The following MTDH variants were observed in gnomAD, a reference collection of about 807,000 sequenced individuals.
MTDH encodes the protein protein LYRIC.
A neutral mutation model predicts 72.7 loss-of-function variants in MTDH; 34 were observed. That is an observed-to-expected ratio of 0.47 (90% CI 0.36 to 0.62). The LOEUF (loss-of-function observed/expected upper bound fraction) is 0.62, where lower values mean the gene tolerates loss of function less well. MTDH is among the 20% of genes least tolerant of loss of function. The pLI, the probability that MTDH is intolerant of heterozygous loss-of-function variation, is 0.00. For missense variants in MTDH, 677 were observed against 699.4 expected, an observed-to-expected ratio of 0.97 and a Z score of 0.36; for synonymous variants, 266 against 268.9, an observed-to-expected ratio of 0.99 and a Z score of 0.10.
At chr8:97,676,741 T>C (rs2516279) in intron 2 of MTDH, among the ~76,000 whole-genome samples, 63,227 of 151,310 alleles carry the variant, frequency 0.42, 14,283 homozygotes, top group East Asian at 0.63. Flanking sequence ...TGGTGGCTCA[T>C]GCCTGTAATC....
chr8:97,687,681 T>G (rs1813421988), intron 4 of MTDH, 76 bp downstream of exon 4: 1 of 1,274,932 alleles, frequency 7.8e-7, no homozygotes, highest in Non-Finnish European at 1.1e-6. Context: ...TATCATTATG[T>G]CAAAATCTGA....
chr8:97,706,892 A>G, intron 8 of MTDH, 142 bp downstream of exon 8: 1 of 865,194 alleles, frequency 1.2e-6, no homozygotes, highest in Non-Finnish European at 1.7e-6. Context: ...CAGCCTGGGC[A>G]ACATAGCGAG....
intron 8 of MTDH, among the ~76,000 whole-genome samples, chr8:97,707,448 CCTT>C: frequency 7.4e-6 from 1 of 134,858 alleles, no homozygotes; most frequent in Non-Finnish European, 1.5e-5. Context: ...CCATGCCTGG[CCTT>C]TTTTTTTTTT....
At chr8:97,704,281 C>T (rs1409374987) in intron 7 of MTDH, among the ~76,000 whole-genome samples, 10 of 152,214 alleles carry the variant, frequency 6.6e-5, no homozygotes, top group Non-Finnish European at 1.5e-5. Flanking sequence ...ACAAGCTGCA[C>T]GTGCAGAAGG....
At chr8:97,708,551 G>T (rs112377722) in intron 8 of MTDH, among the ~76,000 whole-genome samples, 17,938 of 117,268 alleles carry the variant, frequency 0.15, 1,621 homozygotes, top group East Asian at 0.31. Context: ...CAAAGTGCTG[G>T]GATTACAGGC....
rs754373924 is a variant in MTDH at position 97,644,791 on chromosome 8, G to A, written c.285G>A (p.Val95=). The change falls in exon 1 of 12, where the codon GTG becomes GTA. Residue 95 remains valine (V), a synonymous_variant. Transcript: ENST00000336273. Reference sequence around the variant, plus strand: ...GCAAGCGGGAGGAGGCGGCGGCCGTGCCGGCCGCGGCCCCCGACGACCTGG... The same window carrying A: ...GCAAGCGGGAGGAGGCGGCGGCCGTACCGGCCGCGGCCCCCGACGACCTGG... ...PPRKREEAAA[V]PAAAPDDLAL... 1.9e-6 allele frequency: 3 copies of A among 1,548,918 alleles called. No individual in the cohort carries two copies. Among genetic ancestry groups the A allele is most frequent in the East Asian group, 2.5e-5 (1 of 40,194 alleles).
chr8:97,695,148 A>ATTTTTTTTTTTTTT, intron 6 of MTDH, among the ~76,000 whole-genome samples: 1 of 141,348 alleles, frequency 7.1e-6, no homozygotes. Flanking sequence ...TTGTTCTGTC[A>ATTTTTTTTTTTTTT]CCCAGGCTGG....
At chr8:97,646,475 T>TAA (rs1811567735) in intron 1 of MTDH, among the ~76,000 whole-genome samples, 1 of 152,160 alleles carries the variant, frequency 6.6e-6, no homozygotes, top group Non-Finnish European at 1.5e-5. Flanking sequence ...GGAAAGAAGG[T>TAA]GATCTTGAAA....
chr8:97,710,683 CAAAA>C (rs376391821), intron 8 of MTDH, among the ~76,000 whole-genome samples: 10,591 of 52,172 alleles, frequency 0.2, 402 homozygotes, highest in East Asian at 0.3. Flanking sequence ...GAGACTATCT[CAAAA>C]AAAAAAAAAA....
At chr8:97,683,208 G>A (rs1200219779) in intron 2 of MTDH, among the ~76,000 whole-genome samples, 1 of 150,458 alleles carries the variant, frequency 6.6e-6, no homozygotes, top group African/African-American at 2.4e-5. Context: ...GGGACTACAG[G>A]CACGTGCCAC....
chr8:97,674,498 CA>C (rs907051315), intron 2 of MTDH, among the ~76,000 whole-genome samples: 5 of 152,140 alleles, frequency 3.3e-5, no homozygotes, highest in South Asian at 4.1e-4. Context: ...CCCATTTAAC[CA>C]TGCCCAGTTT....
chr8:97,649,001 C>T (rs1811666210), intron 1 of MTDH, among the ~76,000 whole-genome samples: 1 of 152,064 alleles, frequency 6.6e-6, no homozygotes, highest in African/African-American at 2.4e-5. Context: ...TATAATGACC[C>T]CATAAGATTA....
In MTDH at chr8:97,729,461, G is replaced by C. The variant is rs1305788195; in HGVS notation, c.*4791G>C. ...GTCATGGGCCAAATTAACATTTTGA[G>C]ATTCTGTTAGGAAGATGAGAATTGG... On this transcript the variant is annotated 3_prime_UTR_variant, in exon 12 of 12. Coordinates refer to ENST00000336273, the MANE Select transcript of MTDH (RefSeq NM_178812.4). 2.6e-5 allele frequency among the ~76,000 whole-genome samples: 4 copies of C among 152,118 alleles called. No individual in the cohort carries two copies. Among genetic ancestry groups the C allele is most frequent in the African/African-American group, 9.7e-5 (4 of 41,424 alleles).
chr8:97,711,768 A>G (rs1814649898), intron 8 of MTDH, among the ~76,000 whole-genome samples: 1 of 152,206 alleles, frequency 6.6e-6, no homozygotes, highest in South Asian at 2.1e-4. Context: ...AGGATTAACA[A>G]CAGTAATCAT....
chr8:97,686,699 A>T lies in MTDH; in HGVS notation c.515A>T (p.Asp172Val), dbSNP rs997160188. 1 of 1,587,170 alleles carries T rather than the reference A, an allele frequency of 6.3e-7. No individual in the cohort carries two copies. The highest frequency in any genetic ancestry group is 8.6e-7 in the Non-Finnish European group (1 of 1,167,952). ...SKKNKKKSKS[D>V]AKAVQNSSRH... ...AAAAATAAGAAGAAATCAAAGTCAG[A>T]TGCTAAAGCAGTGCAAAACAGTTCA... The change falls in exon 3 of 12, where the codon GAT becomes GTT. Residue 172 changes from aspartate (D) to valine (V), a missense_variant. Around this residue, in one of 3 missense-constraint regions of MTDH, gnomAD observed 467 missense variants for 469.1 expected, o/e 1.00. Coordinates refer to ENST00000336273, the MANE Select transcript of MTDH (RefSeq NM_178812.4).
At chr8:97,649,995 G>A (rs1481904684) in intron 1 of MTDH, among the ~76,000 whole-genome samples, 5 of 148,640 alleles carry the variant, frequency 3.4e-5, no homozygotes, top group African/African-American at 7.5e-5. Context: ...TCACTCTGTC[G>A]CCCAGGCTGG....
In MTDH at chr8:97,686,761, G is replaced by C. The variant is rs753146132; in HGVS notation, c.568+9G>C. The stretch of plus-strand genomic sequence containing the variant: ...AAAGGAAGTTGATGAAGGTACTTGA[G>C]CAAGGGAAAGGACTGTAGAAAATTT... On this transcript the variant is annotated intron_variant, in intron 3 of 11. Coordinates refer to ENST00000336273, the MANE Select transcript of MTDH (RefSeq NM_178812.4). 6.3e-7 allele frequency: 1 copy of C among 1,584,302 alleles called. No homozygotes were observed. Among genetic ancestry groups the C allele is most frequent in the Non-Finnish European group, 8.6e-7 (1 of 1,164,466 alleles).
At chr8:97,719,309 A>T in intron 10 of MTDH, 120 bp downstream of exon 10, 1 of 971,082 alleles carries the variant, frequency 1.0e-6, no homozygotes, top group Non-Finnish European at 1.5e-6. Context: ...CCTGGCCAAC[A>T]TAGTGAAACC....
chr8:97,728,581 A>T lies in MTDH; in HGVS notation c.*3911A>T, dbSNP rs1815442505. 1 of 152,074 alleles carries T rather than the reference A, an allele frequency of 6.6e-6. No homozygotes were observed. Among genetic ancestry groups the T allele is most frequent in the African/African-American group, 2.4e-5 (1 of 41,414 alleles). 9.4% of individuals were successfully genotyped at this position (152,074 alleles called of 1,614,324 possible). The stretch of plus-strand genomic sequence containing the variant: ...ACTTGGCATGCATTAGTTCATATGT[A>T]TGAGGTTGGCTGTGTCCCCAAACAG... On this transcript the variant is annotated 3_prime_UTR_variant, in exon 12 of 12. Transcript: ENST00000336273.
Sources: allele counts gnomAD v4.1 joint callset (sites outside exome capture counted in the v4.1 genomes callset), GRCh38; gene constraint gnomAD v4.1.1; regional missense constraint gnomAD v4.1.1; transcripts MANE v1.5; gene names NCBI Gene and HGNC (gene_info 2026-07-23, HGNC 2026-07-21).